NINJ2: variants seen among roughly 807,000 people sequenced by gnomAD.
NINJ2 encodes ninjurin 2, also known as ninjurin-2.
In NINJ2, 12 loss-of-function variants were observed where a neutral mutation model predicts 11.7. That is an observed-to-expected ratio of 1.02 (90% confidence interval 0.66 to 1.66). The LOEUF (loss-of-function observed/expected upper bound fraction) is 1.66. Among genes scored for constraint, NINJ2 ranks in the 40% most tolerant of loss-of-function variants. NINJ2 has a pLI of 0.00. For missense variants in NINJ2, 187 were observed against 181.8 expected (o/e 1.03, Z -0.16); for synonymous variants, 93 against 76.8 (o/e 1.21, Z -1.10).
At chr12:615,308 C>T (rs1243437960) in intron 1 of NINJ2, among the ~76,000 whole-genome samples, 3 of 152,158 alleles carry the variant, frequency 2.0e-5, no homozygotes, top group Non-Finnish European at 4.4e-5. Context: ...CTTTTCTCTA[C>T]TAAGAAACTC....
chr12:651,456 A>G (rs1335774499), intron 1 of NINJ2, among the ~76,000 whole-genome samples: 1 of 152,220 alleles, frequency 6.6e-6, no homozygotes, highest in African/African-American at 2.4e-5. Context: ...ACACCCAACC[A>G]TAGAGCTGTG....
intron 1 of NINJ2, among the ~76,000 whole-genome samples, chr12:575,846 C>A (rs943510002): frequency 6.6e-6 from 1 of 152,136 alleles, no homozygotes; most frequent in African/African-American, 2.4e-5. Flanking sequence ...CTCTTAAACA[C>A]CCCCACTGCA....
In NINJ2 at chr12:614,067, G is replaced by C. The variant is rs1278974223; in HGVS notation, c.34-47889C>G. Among the ~76,000 whole-genome samples the C allele has an allele frequency of 6.6e-6, 1 of 152,100 alleles. No homozygotes were observed. The highest frequency in any genetic ancestry group is 6.5e-5 in the Admixed American group (1 of 15,278). Reference sequence around the variant, plus strand: ...ATTTAAGCCCTTCCAGAAGCCACAGGCATGTGGGGTGGAGAAAGGCCAAGC... The same window carrying C: ...ATTTAAGCCCTTCCAGAAGCCACAGCCATGTGGGGTGGAGAAAGGCCAAGC... On this transcript the variant is annotated intron_variant, in intron 1 of 3. Transcript: ENST00000305108. The surrounding 1 kb of genome is among the most constrained non-coding windows in gnomAD (Gnocchi z 5.1).
intron 1 of NINJ2, among the ~76,000 whole-genome samples, chr12:599,620 A>T (rs940863052): frequency 6.6e-6 from 1 of 152,124 alleles, no homozygotes; most frequent in Non-Finnish European, 1.5e-5. Flanking sequence ...AGGTTAAGAG[A>T]CTTATCAGGA....
chr12:568,104 T>G (rs1046589022), intron 1 of NINJ2, among the ~76,000 whole-genome samples: 9 of 152,256 alleles, frequency 5.9e-5, no homozygotes, highest in African/African-American at 2.2e-4. Flanking sequence ...CCATGCATCC[T>G]CAATATATGT....
Position 565,165 on chromosome 12 carries a change from G to C in NINJ2, c.*18+52C>G. 3 of 1,466,372 alleles carry C rather than the reference G, an allele frequency of 2.0e-6. No homozygotes were observed. In the South Asian group the frequency reaches 4.0e-5, roughly 19 times the overall value. The allele number at this position is 1,466,372 out of a possible 1,614,324, so 90.8% of individuals were successfully genotyped here. A position where few individuals can be genotyped will look rare whatever the true frequency, so the allele number is the denominator to read the frequency against. ...TTGCCCCAAAGCCCCAGAGGAGAGA[G>C]AAGGGCCACCTGGGGAGTCCCTGGA... is the stretch of plus-strand genomic sequence containing the variant. On this transcript the variant is annotated intron_variant, in intron 3 of 3. Coordinates refer to ENST00000305108, the MANE Select transcript of NINJ2 (RefSeq NM_016533.6).
In NINJ2 at chr12:588,203, C is replaced by CGGAAGGGAG. The variant is rs1565625993; in HGVS notation, c.34-22026_34-22025insCTCCCTTCC. Among the ~76,000 whole-genome samples, 6 of 148,952 alleles carry CGGAAGGGAG rather than the reference C, an allele frequency of 4.0e-5. No individual in the cohort carries two copies. In the East Asian group the frequency reaches 5.8e-4, roughly 15 times the overall value. The stretch of plus-strand genomic sequence containing the variant: ...GAAGGGACGGAAGGGACGGAGGGGA[C>CGGAAGGGAG]GGAAGGGACGGAGGGGACGGAAGGG... On this transcript the variant is annotated intron_variant, in intron 1 of 3. Transcript: ENST00000305108.
intron 1 of NINJ2, among the ~76,000 whole-genome samples, chr12:660,506 A>G (rs1937944219): frequency 6.6e-6 from 1 of 151,708 alleles, no homozygotes; most frequent in Admixed American, 6.6e-5. Flanking sequence ...ACGCCTAGCT[A>G]ATTTTTGTAT....
intron 1 of NINJ2, among the ~76,000 whole-genome samples, chr12:611,860 C>T (rs1948037228): frequency 6.6e-6 from 1 of 152,158 alleles, no homozygotes; most frequent in African/African-American, 2.4e-5. Flanking sequence ...TAGGAGGTTG[C>T]CCCCCAATAT....
At chr12:655,238 C>A (rs1937857516) in intron 1 of NINJ2, among the ~76,000 whole-genome samples, 1 of 152,188 alleles carries the variant, frequency 6.6e-6, no homozygotes, top group African/African-American at 2.4e-5. Flanking sequence ...GTTTCCCAGT[C>A]TTTGCTAGGA....
intron 1 of NINJ2, among the ~76,000 whole-genome samples, chr12:616,852 A>C (rs762067109): frequency 7.9e-5 from 12 of 152,216 alleles, no homozygotes; most frequent in Non-Finnish European, 1.8e-4. Flanking sequence ...AAAAGACGCT[A>C]AAAGCTTACC....
intron 1 of NINJ2, among the ~76,000 whole-genome samples, chr12:627,393 T>C (rs1948221626): frequency 6.6e-6 from 1 of 152,198 alleles, no homozygotes; most frequent in Non-Finnish European, 1.5e-5. Context: ...ACATTTCTAC[T>C]TTCTAATTTC....
chr12:569,046 C>T (rs1156572336), intron 1 of NINJ2, among the ~76,000 whole-genome samples: 1 of 152,216 alleles, frequency 6.6e-6, no homozygotes, highest in East Asian at 1.9e-4. Context: ...TCTCTCCCAT[C>T]TTCCTTCGTG....
In NINJ2 at chr12:571,752, T is replaced by C. The variant is rs1947379204; in HGVS notation, c.34-5574A>G. On this transcript the variant is annotated intron_variant, in intron 1 of 3. Coordinates refer to ENST00000305108, the MANE Select transcript of NINJ2 (RefSeq NM_016533.6). ...GCCTTTTTTAACAGAAAAGTAAACATGTTTTTCATTGTTTATCGACTTTAT... is the reference window on the plus strand; with the variant it reads ...GCCTTTTTTAACAGAAAAGTAAACACGTTTTTCATTGTTTATCGACTTTAT... Among the ~76,000 whole-genome samples the C allele has an allele frequency of 2.6e-5, 4 of 152,370 alleles. No individual in the cohort carries two copies. The South Asian group carries it at 8.3e-4, about 32-fold the overall frequency.
At chr12:643,668 C>T in intron 1 of NINJ2, 1 of 988,018 alleles carries the variant, frequency 1.0e-6, no homozygotes, top group Non-Finnish European at 1.2e-6. Context: ...TTCTTAGCGG[C>T]GGTCGTTTGA....
At chr12:656,771 A>G (rs923631394) in intron 1 of NINJ2, among the ~76,000 whole-genome samples, 1 of 152,030 alleles carries the variant, frequency 6.6e-6, no homozygotes, top group Non-Finnish European at 1.5e-5. Context: ...AAATTACTGT[A>G]AAGCTACAAT....
chr12:646,487 G>A (rs1236567279), intron 1 of NINJ2, among the ~76,000 whole-genome samples: 1 of 152,180 alleles, frequency 6.6e-6, no homozygotes, highest in Admixed American at 6.5e-5. Context: ...CCTAGTGAAG[G>A]CAGTTCACAA....
At chr12:611,213 CTT>C (rs1314511490) in intron 1 of NINJ2, among the ~76,000 whole-genome samples, 3 of 141,276 alleles carry the variant, frequency 2.1e-5, no homozygotes, top group Non-Finnish European at 4.6e-5. Context: ...TTCTTTCCCT[CTT>C]TCTTTCTTTC....
chr12:634,681 C>G (rs1948326701), intron 1 of NINJ2, among the ~76,000 whole-genome samples: 2 of 152,076 alleles, frequency 1.3e-5, no homozygotes, highest in Admixed American at 1.3e-4. Context: ...AATGGTCGTA[C>G]CCAAGATATT....
Sources: allele counts gnomAD v4.1 joint callset (sites outside exome capture counted in the v4.1 genomes callset), GRCh38; gene constraint gnomAD v4.1.1; non-coding constraint Gnocchi (gnomAD v3.1); transcripts MANE v1.5; gene names NCBI Gene and HGNC (gene_info 2026-07-23, HGNC 2026-07-21).